Variants in GSTO1 observed in about 807,000 individuals in gnomAD.
GSTO1 encodes the protein glutathione S-transferase omega 1.
Under a neutral mutation model 23.8 loss-of-function variants are expected in GSTO1, and 27 were observed. The observed-to-expected ratio is 1.13, with a 90% CI of 0.83 to 1.56. The LOEUF (loss-of-function observed/expected upper bound fraction) is 1.56. GSTO1 is among the 40% of genes most tolerant of loss of function. The probability of loss-of-function intolerance (pLI) is 0.00; values close to 1 mark genes in which losing one functional copy is unlikely to be tolerated. For missense variants in GSTO1, 255 were observed against 285.8 expected (o/e 0.89, Z 0.78); for synonymous variants, 105 against 109.3 (o/e 0.96, Z 0.25).
intron 4 of GSTO1, among the ~76,000 whole-genome samples, chr10:104,264,175 G>C (rs1191893424): frequency 6.6e-6 from 1 of 152,028 alleles, no homozygotes; most frequent in African/African-American, 2.4e-5. Context: ...AGGGACTAGC[G>C]GTTTCTTTAA....
chr10:104,255,836 A>G (rs891482151), intron 2 of GSTO1, among the ~76,000 whole-genome samples: 1 of 152,204 alleles, frequency 6.6e-6, no homozygotes, highest in African/African-American at 2.4e-5. Context: ...CCTTCTGCAG[A>G]GCCTGTTTTG....
At chr10:104,263,920 T>G (rs1294223349) in intron 4 of GSTO1, among the ~76,000 whole-genome samples, 1 of 151,786 alleles carries the variant, frequency 6.6e-6, no homozygotes, top group African/African-American at 2.4e-5. Context: ...GACAAATTTT[T>G]TTTTTTTTAA....
chr10:104,266,279 T>G (rs1195083967), intron 5 of GSTO1, 89 bp downstream of exon 5: 8 of 728,796 alleles, frequency 1.1e-5, no homozygotes, highest in Non-Finnish European at 1.7e-5. Flanking sequence ...GTTGAAATAT[T>G]TAATACAACT....
At chr10:104,266,824 G>A (rs1450060675) in intron 5 of GSTO1, among the ~76,000 whole-genome samples, 5 of 152,120 alleles carry the variant, frequency 3.3e-5, no homozygotes, top group African/African-American at 7.2e-5. Flanking sequence ...TTTACCGTAA[G>A]ATTTCCACAT....
chr10:104,254,878 T>A, upstream of GSTO1: 1 of 1,586,984 alleles, frequency 6.3e-7, no homozygotes, highest in Non-Finnish European at 8.6e-7. Context: ...CGCCACCTAC[T>A]TCCTGAATCC....
upstream of GSTO1, chr10:104,254,700 G>C: frequency 1.7e-6 from 1 of 598,490 alleles, no homozygotes; most frequent in Non-Finnish European, 3.0e-6. Context: ...GTATCTCCCC[G>C]TGGGTGCAGC....
rs775258075 is a variant in GSTO1, at chr10:104,259,621, C to T, written c.189C>T (p.Phe63=). 1.2e-5 allele frequency: 20 copies of T among 1,613,286 alleles called. No individual in the cohort carries two copies. Among genetic ancestry groups the T allele is most frequent in the Non-Finnish European group, 1.7e-5 (20 of 1,179,452 alleles). Residue 63 remains phenylalanine, a synonymous_variant, in exon 3 of 6, where the codon TTC becomes TTT. Coordinates refer to ENST00000369713, the MANE Select transcript of GSTO1 (RefSeq NM_004832.3). The stretch of plus-strand genomic sequence containing the variant: ...ACCTGAAAAATAAGCCTGAGTGGTT[C>T]TTTAAGAAAAATCCCTTTGGTCTGG... ...NINLKNKPEW[F]FKKNPFGLVP... is the part of the protein sequence containing the mutation.
At chr10:104,259,540 T>C in intron 2 of GSTO1, 36 bp from the exon 3 acceptor site, 1 of 1,369,232 alleles carries the variant, frequency 7.3e-7, no homozygotes, top group Non-Finnish European at 1.0e-6. Context: ...ACAAAAGTTG[T>C]TTCCTTCTCT....
At chr10:104,254,839 C>T, upstream of GSTO1, 2 of 1,281,188 alleles carry the variant, frequency 1.6e-6, no homozygotes, top group East Asian at 2.4e-5. Flanking sequence ...AAGGAGGAAG[C>T]GGGGGAGGGA....
chr10:104,258,962 C>T (rs1378950230), intron 2 of GSTO1, among the ~76,000 whole-genome samples: 1 of 152,134 alleles, frequency 6.6e-6, no homozygotes, highest in East Asian at 1.9e-4. Flanking sequence ...CACATAATAA[C>T]CTCACACTTG....
Position 104,266,098 on chromosome 10 carries a change from G to A in GSTO1, c.480G>A (p.Lys160=), listed in dbSNP as rs1277414360. The part of the protein sequence containing the change: ...FTKLEEVLTN[K]KTTFFGGNSI... Reference sequence around the variant, plus strand: ...TTAATGTTCAGGTTCTGACTAATAAGAAGACGACCTTCTTTGGTGGCAATT... The same window carrying A: ...TTAATGTTCAGGTTCTGACTAATAAAAAGACGACCTTCTTTGGTGGCAATT... Residue 160 remains lysine (K), a synonymous_variant, in exon 5 of 6, where the codon AAG becomes AAA. Transcript: ENST00000369713. The A allele has an allele frequency of 6.3e-7, 1 of 1,592,488 alleles. No individual in the cohort carries two copies. Among genetic ancestry groups the A allele is most frequent in the South Asian group, 1.1e-5 (1 of 90,636 alleles).
At chr10:104,261,064 GA>G (rs1259791371) in intron 3 of GSTO1, among the ~76,000 whole-genome samples, 2 of 152,160 alleles carry the variant, frequency 1.3e-5, no homozygotes, top group Non-Finnish European at 2.9e-5. Flanking sequence ...GCCAGTTCTG[GA>G]AAACTTTTTT....
chr10:104,266,459 G>A (rs1163327790), intron 5 of GSTO1, among the ~76,000 whole-genome samples: 1 of 152,236 alleles, frequency 6.6e-6, no homozygotes, highest in Non-Finnish European at 1.5e-5. Flanking sequence ...ATAAGGGGAA[G>A]GATATGGTAG....
At chr10:104,257,844 C>T (rs1359089224) in intron 2 of GSTO1, among the ~76,000 whole-genome samples, 1 of 152,090 alleles carries the variant, frequency 6.6e-6, no homozygotes, top group Admixed American at 6.5e-5. Flanking sequence ...TGAAGCATTT[C>T]CACAGATTTA....
chr10:104,261,259 CAA>C (rs1163484507), intron 3 of GSTO1, among the ~76,000 whole-genome samples: 2 of 152,144 alleles, frequency 1.3e-5, no homozygotes, highest in Admixed American at 6.5e-5. Flanking sequence ...AAAGTAGTCA[CAA>C]GAGATTCATT....
intron 5 of GSTO1, among the ~76,000 whole-genome samples, chr10:104,266,399 A>G (rs1036459322): frequency 9.2e-5 from 14 of 152,230 alleles, no homozygotes; most frequent in African/African-American, 3.4e-4. Context: ...TTTCTGAGAC[A>G]TGTAGTAAAG....
chr10:104,255,041 C>T, intron 1 of GSTO1, 79 bp downstream of exon 1: 1 of 1,483,220 alleles, frequency 6.7e-7, no homozygotes, highest in African/African-American at 1.4e-5. Flanking sequence ...GGGAGCCCAG[C>T]CGCCCGGGAG....
intron 2 of GSTO1, 92 bp downstream of exon 2, chr10:104,255,363 C>G (rs997674839): frequency 1.6e-5 from 12 of 772,172 alleles, no homozygotes; most frequent in Non-Finnish European, 2.3e-5. Flanking sequence ...CTTCTACCCC[C>G]CTCCCACCAG....
chr10:104,256,024 C>T (rs1467094490), intron 2 of GSTO1, among the ~76,000 whole-genome samples: 1 of 152,180 alleles, frequency 6.6e-6, no homozygotes, highest in Non-Finnish European at 1.5e-5. Context: ...AAGTTTAAAA[C>T]AAACCCCCTA....
Sources: allele counts gnomAD v4.1 joint callset (sites outside exome capture counted in the v4.1 genomes callset), GRCh38; gene constraint gnomAD v4.1.1; transcripts MANE v1.5; gene names NCBI Gene and HGNC (gene_info 2026-07-23, HGNC 2026-07-21).